CCDC148: variants seen among roughly 807,000 people sequenced by gnomAD.
The protein encoded by CCDC148 is coiled-coil domain-containing protein 148.
In CCDC148, 89 loss-of-function variants were observed where a neutral mutation model predicts 85.7. The ratio of observed to expected loss-of-function variants is 1.04; its 90% CI spans 0.87 to 1.24. CCDC148 has a LOEUF of 1.24. CCDC148 is among the 50% of genes most tolerant of loss of function. The pLI is 0.00. For missense variants in CCDC148, 692 were observed against 671.7 expected, an observed-to-expected ratio of 1.03 and a Z score of -0.33; for synonymous variants, 230 against 213.9, an observed-to-expected ratio of 1.08 and a Z score of -0.66.
rs185227312 is a variant in CCDC148, at chr2:158,186,762, A to G, written c.1371-7766T>C. Among the ~76,000 whole-genome samples the G allele has an allele frequency of 1.7e-3, 265 of 152,040 alleles. 8 individuals carry two copies. The East Asian group carries it at 0.041, about 24-fold the overall frequency. On this transcript the variant is annotated intron_variant, in intron 11 of 13. Coordinates refer to ENST00000283233, the MANE Select transcript of CCDC148 (RefSeq NM_138803.4). ...TAACTTAAATACCATTGAACAATGG[A>G]AATCTTGCTAGGTCCCAGGTTAGGC...
intron 9 of CCDC148, among the ~76,000 whole-genome samples, chr2:158,259,522 G>A (rs1689135733): frequency 6.6e-6 from 1 of 151,938 alleles, no homozygotes; most frequent in Non-Finnish European, 1.5e-5. Flanking sequence ...TTGCATTCTA[G>A]CTGACATTCC....
At chr2:158,222,114 T>A (rs1315223829) in intron 10 of CCDC148, among the ~76,000 whole-genome samples, 2 of 152,138 alleles carry the variant, frequency 1.3e-5, no homozygotes, top group Non-Finnish European at 2.9e-5. Context: ...CAGAAAAAAA[T>A]TAAGCTACTT....
At chr2:158,399,198 A>C (rs1024206240) in intron 1 of CCDC148, among the ~76,000 whole-genome samples, 7 of 152,214 alleles carry the variant, frequency 4.6e-5, no homozygotes, top group Non-Finnish European at 8.8e-5. Context: ...CCAGCGGTAC[A>C]AGGAGAGCTG....
At chr2:158,436,889 A>G (rs1411507422) in intron 1 of CCDC148, among the ~76,000 whole-genome samples, 1 of 152,220 alleles carries the variant, frequency 6.6e-6, no homozygotes, top group East Asian at 1.9e-4. Flanking sequence ...GAAATGGATA[A>G]ATTCCTCGAC....
At chr2:158,343,631 A>G (rs1682853066) in intron 3 of CCDC148, among the ~76,000 whole-genome samples, 1 of 152,206 alleles carries the variant, frequency 6.6e-6, no homozygotes, top group Non-Finnish European at 1.5e-5. Flanking sequence ...TAAGGCATAG[A>G]ATCTTACTTA....
At chr2:158,186,760 G>A (rs1481598864) in intron 11 of CCDC148, among the ~76,000 whole-genome samples, 1 of 151,824 alleles carries the variant, frequency 6.6e-6, no homozygotes, top group Non-Finnish European at 1.5e-5. Flanking sequence ...ATTGAACAAT[G>A]GAAATCTTGC....
intron 1 of CCDC148, among the ~76,000 whole-genome samples, chr2:158,399,329 G>C (rs1477635491): frequency 6.6e-6 from 1 of 151,938 alleles, no homozygotes; most frequent in African/African-American, 2.4e-5. Flanking sequence ...CACAAAAAGA[G>C]AATATTAGGC....
intron 1 of CCDC148, among the ~76,000 whole-genome samples, chr2:158,389,016 T>C (rs1685198506): frequency 6.6e-6 from 1 of 152,184 alleles, no homozygotes; most frequent in African/African-American, 2.4e-5. Context: ...TATTAAAATG[T>C]AGACACTGTC....
At chr2:158,356,585 G>A (rs57640923) in intron 2 of CCDC148, among the ~76,000 whole-genome samples, 52,683 of 150,526 alleles carry the variant, frequency 0.35, 11,119 homozygotes, top group South Asian at 0.61. Context: ...GAAACAACAG[G>A]TGCTGGAGAG....
intron 1 of CCDC148, among the ~76,000 whole-genome samples, chr2:158,427,969 G>A (rs978316893): frequency 6.6e-6 from 1 of 152,134 alleles, no homozygotes; most frequent in Non-Finnish European, 1.5e-5. Flanking sequence ...AGCAGGAGAG[G>A]CAGACAATGG....
At chr2:158,295,950 T>A (rs1691167807) in intron 9 of CCDC148, among the ~76,000 whole-genome samples, 1 of 152,226 alleles carries the variant, frequency 6.6e-6, no homozygotes, top group South Asian at 2.1e-4. Flanking sequence ...TGTTTTCTTA[T>A]TAAGTTTCAA....
intron 11 of CCDC148, among the ~76,000 whole-genome samples, chr2:158,209,143 T>A: frequency 6.6e-6 from 1 of 151,726 alleles, no homozygotes; most frequent in African/African-American, 2.4e-5. Context: ...CACATACATA[T>A]TTTTTTTCAG....
chr2:158,281,288 T>C (rs1690280000), intron 9 of CCDC148, among the ~76,000 whole-genome samples: 1 of 151,932 alleles, frequency 6.6e-6, no homozygotes, highest in African/African-American at 2.4e-5. Context: ...AGAGCAGAAC[T>C]GAAGGAAATA....
intron 11 of CCDC148, among the ~76,000 whole-genome samples, chr2:158,198,998 C>T (rs776023828): frequency 6.6e-6 from 1 of 152,062 alleles, no homozygotes; most frequent in Non-Finnish European, 1.5e-5. Flanking sequence ...AGGCAGGGAC[C>T]TTGGGACCAG....
intron 8 of CCDC148, among the ~76,000 whole-genome samples, chr2:158,313,141 C>T (rs960572555): frequency 2.0e-5 from 3 of 152,140 alleles, no homozygotes; most frequent in Non-Finnish European, 1.5e-5. Flanking sequence ...CTTCTGTTTT[C>T]TTGCCCTTGT....
Position 158,456,523 on chromosome 2 carries a change from G to A in CCDC148, c.-84C>T, listed in dbSNP as rs1688755490. On this transcript the variant is annotated 5_prime_UTR_variant, in exon 1 of 14. Transcript: ENST00000283233. ...CCACTCCTGGGCTCTCGCCGTCAGG[G>A]GTACATCTAAGGGCTCAGCTGTTCC... 2.0e-6 allele frequency: 3 copies of A among 1,530,212 alleles called. No individual in the cohort carries two copies. The highest frequency in any genetic ancestry group is 2.0e-5 in the Admixed American group (1 of 49,962). 94.8% of individuals were successfully genotyped at this position (1,530,212 alleles called of 1,614,324 possible). A position where few individuals can be genotyped will look rare whatever the true frequency, so the allele number is the denominator to read the frequency against.
chr2:158,190,839 G>A (rs569090011), intron 11 of CCDC148, among the ~76,000 whole-genome samples: 1 of 152,060 alleles, frequency 6.6e-6, no homozygotes, highest in East Asian at 1.9e-4. Flanking sequence ...TTTTATTGGA[G>A]AGGTTTTTTT....
intron 10 of CCDC148, among the ~76,000 whole-genome samples, chr2:158,243,747 AC>A (rs1486632926): frequency 1.3e-5 from 2 of 152,180 alleles, no homozygotes; most frequent in African/African-American, 4.8e-5. Flanking sequence ...TAATTTGTTA[AC>A]TCTAAGATCT....
chr2:158,317,055 G>C (rs1692313416), intron 7 of CCDC148, among the ~76,000 whole-genome samples: 1 of 152,058 alleles, frequency 6.6e-6, no homozygotes, highest in Admixed American at 6.6e-5. Context: ...TGCTTTGCTG[G>C]TGATTCTAAT....
Sources: gnomAD v4.1 joint callset for allele counts (sites outside exome capture counted in the v4.1 genomes callset) on GRCh38, gnomAD v4.1.1 for gene constraint, MANE v1.5 for transcripts, NCBI Gene and HGNC (gene_info 2026-07-23, HGNC 2026-07-21) for gene names.